The following CCDC7 variants were observed in gnomAD, a reference collection of about 807,000 sequenced individuals.
CCDC7 encodes the protein coiled-coil domain-containing protein 7.
In CCDC7, 183 loss-of-function variants were observed where a neutral mutation model predicts 196.9. The observed-to-expected ratio is 0.93, with a 90% CI of 0.82 to 1.05. CCDC7 has a LOEUF of 1.05. Ranked by LOEUF, CCDC7 falls within the 50% of genes least tolerant of loss-of-function variation. CCDC7 has a pLI of 0.00. For missense variants in CCDC7, 1,540 were observed against 1,482.2 expected, an observed-to-expected ratio of 1.04 and a Z score of -0.64; for synonymous variants, 525 against 484.6, an observed-to-expected ratio of 1.08 and a Z score of -1.10.
At chr10:32,707,586 C>G (rs2080012523) in intron 24 of CCDC7, among the ~76,000 whole-genome samples, 1 of 152,144 alleles carries the variant, frequency 6.6e-6, no homozygotes, top group African/African-American at 2.4e-5. Flanking sequence ...CGTCTCAGCC[C>G]AAAATCTCCT....
At chr10:32,837,867 T>C (rs906243244) in intron 33 of CCDC7, among the ~76,000 whole-genome samples, 1 of 144,312 alleles carries the variant, frequency 6.9e-6, no homozygotes, top group Non-Finnish European at 1.5e-5. Context: ...TAGGTGGGAA[T>C]TGAACAATGA....
rs561924327 is a variant in CCDC7, at chr10:32,512,168, G to T, written c.873-5777G>T. The T allele has an allele frequency of 2.7e-4, 46 of 169,832 alleles. 1 individual carries two copies. The South Asian group carries it at 6.4e-3, about 24-fold the overall frequency. 10.5% of individuals were successfully genotyped at this position (169,832 alleles called of 1,614,324 possible). On this transcript the variant is annotated intron_variant, in intron 9 of 41. Coordinates refer to ENST00000639629, the Ensembl canonical transcript of CCDC7. ...TAGATATTGATTTGTTGGATGGTTT[G>T]TGAAGATATGATTCCTTTTTGGTGA...
chr10:32,763,544 A>G, intron 28 of CCDC7, among the ~76,000 whole-genome samples: 1 of 151,988 alleles, frequency 6.6e-6, no homozygotes, highest in East Asian at 1.9e-4. Context: ...GTGTCCATGT[A>G]ACAGTACTCA....
intron 18 of CCDC7, among the ~76,000 whole-genome samples, 160 bp downstream of exon 19, chr10:32,584,464 AT>A (rs2059035678): frequency 2.6e-5 from 4 of 152,106 alleles, no homozygotes; most frequent in African/African-American, 9.7e-5. Flanking sequence ...TTATATAAAA[AT>A]TATCTCGGTG....
At chr10:32,541,885 G>T (rs1380740163) in intron 11 of CCDC7, among the ~76,000 whole-genome samples, 2 of 152,190 alleles carry the variant, frequency 1.3e-5, no homozygotes, top group Non-Finnish European at 2.9e-5. Flanking sequence ...TTGGAAAATG[G>T]TTCACTTACT....
At chr10:32,701,369 A>G (rs557179488) in intron 24 of CCDC7, among the ~76,000 whole-genome samples, 46 of 152,334 alleles carry the variant, frequency 3.0e-4, no homozygotes, top group Non-Finnish European at 6.2e-4. Flanking sequence ...GATGAAGCCC[A>G]TTTGATCATG....
intron 18 of CCDC7, among the ~76,000 whole-genome samples, chr10:32,631,920 C>A (rs1192852425): frequency 6.6e-6 from 1 of 151,862 alleles, no homozygotes; most frequent in Non-Finnish European, 1.5e-5. Context: ...AATTTTCAAA[C>A]TGCTAATTGC....
At chr10:32,652,584 T>C (rs2140184205) in intron 20 of CCDC7, among the ~76,000 whole-genome samples, 1 of 152,276 alleles carries the variant, frequency 6.6e-6, no homozygotes, top group African/African-American at 2.4e-5. Flanking sequence ...GGTTTTCACT[T>C]TGTGGTTACC....
chr10:32,533,443 A>T (rs574593566), intron 11 of CCDC7, among the ~76,000 whole-genome samples: 23 of 152,108 alleles, frequency 1.5e-4, no homozygotes, highest in Non-Finnish European at 2.6e-4. Flanking sequence ...CACAGTTGCA[A>T]TATAGAGTAT....
chr10:32,579,997 C>A (rs2058593336), intron 16 of CCDC7, among the ~76,000 whole-genome samples: 1 of 151,848 alleles, frequency 6.6e-6, no homozygotes, highest in African/African-American at 2.4e-5. Flanking sequence ...GAATAGCGAG[C>A]AGAGCACATT....
chr10:32,471,207 G>C, exon 6 of CCDC7: 1 of 1,608,924 alleles, frequency 6.2e-7, no homozygotes, highest in Admixed American at 1.7e-5. Context: ...AATCCTCCGT[G>C]AAAGTCATGT....
intron 30 of CCDC7, among the ~76,000 whole-genome samples, chr10:32,808,763 C>T (rs1488092678): frequency 7.9e-5 from 12 of 152,072 alleles, no homozygotes; most frequent in African/African-American, 2.9e-4. Flanking sequence ...GCAGCATCCA[C>T]TAGCAACTAC....
At position 32,459,646 on chromosome 10, in the gene CCDC7, A is replaced by ATTTTTTTTTTTTTTT. The variant is rs60002951; in HGVS notation, c.457-3024_457-3010dup. Among the ~76,000 whole-genome samples, 6 of 68,742 alleles carry ATTTTTTTTTTTTTTT rather than the reference A, an allele frequency of 8.7e-5. 1 individual carries two copies. The East Asian group carries it at 1.7e-3, about 19-fold the overall frequency. The allele number at this position is 68,742 out of a possible 152,430, so 45.1% of individuals were successfully genotyped here. The stretch of plus-strand genomic sequence containing the variant: ...AAGCCTTTGGACTTCCCTGCTGCAC[A>ATTTTTTTTTTTTTTT]TTTTTTTTTTTTTTTTTTTTTTTTT... On this transcript the variant is annotated intron_variant, in intron 3 of 41. Transcript: ENST00000639629.
intron 28 of CCDC7, among the ~76,000 whole-genome samples, chr10:32,737,464 G>C (rs1176780739): frequency 6.6e-6 from 1 of 152,148 alleles, no homozygotes; most frequent in Non-Finnish European, 1.5e-5. Flanking sequence ...GTCTTACTGA[G>C]TGTTCCACAG....
At chr10:32,680,916 T>G (rs1795131826) in intron 21 of CCDC7, among the ~76,000 whole-genome samples, 1 of 152,168 alleles carries the variant, frequency 6.6e-6, no homozygotes, top group South Asian at 2.1e-4. Context: ...CTCTGACTCA[T>G]TTAAAGATTC....
At chr10:32,693,366 G>T (rs935650257) in intron 23 of CCDC7, among the ~76,000 whole-genome samples, 1 of 151,840 alleles carries the variant, frequency 6.6e-6, no homozygotes, top group African/African-American at 2.4e-5. Context: ...GCTTCTTTTT[G>T]TAAAGATAAC....
At chr10:32,852,097 T>C (rs1034742279) in intron 40 of CCDC7, among the ~76,000 whole-genome samples, 165 bp downstream of exon 41, 2 of 152,220 alleles carry the variant, frequency 1.3e-5, no homozygotes, top group Non-Finnish European at 2.9e-5. Context: ...TTCTTAGCAA[T>C]GAGTAGTTGT....
At chr10:32,811,821 C>T (rs929274486) in intron 30 of CCDC7, among the ~76,000 whole-genome samples, 1 of 152,118 alleles carries the variant, frequency 6.6e-6, no homozygotes, top group Non-Finnish European at 1.5e-5. Context: ...AAATCCCCAA[C>T]AAAATGCTAG....
intron 13 of CCDC7, among the ~76,000 whole-genome samples, chr10:32,564,112 C>T (rs1227359446): frequency 9.9e-5 from 15 of 152,192 alleles, no homozygotes; most frequent in Admixed American, 9.8e-4. Flanking sequence ...TACCATCTCA[C>T]ACCAGTTAGA....
Sources: gnomAD v4.1 joint callset for allele counts (sites outside exome capture counted in the v4.1 genomes callset) on GRCh38, gnomAD v4.1.1 for gene constraint, MANE v1.5 for transcripts, NCBI Gene and HGNC (gene_info 2026-07-23, HGNC 2026-07-21) for gene names.